The following TP53BP1 variants were observed in gnomAD, a reference collection of about 807,000 sequenced individuals.
The protein encoded by TP53BP1 is TP53-binding protein 1.
In TP53BP1, 61 loss-of-function variants were observed where a neutral mutation model predicts 200.8. That is an observed-to-expected ratio of 0.30 (90% confidence interval 0.25 to 0.38). The LOEUF (loss-of-function observed/expected upper bound fraction) is 0.38, where lower values mean the gene tolerates loss of function less well. Ranked by LOEUF, TP53BP1 falls within the 10% of genes least tolerant of loss-of-function variation. The pLI, the probability that TP53BP1 is intolerant of heterozygous loss-of-function variation, is 1.00. For synonymous variants in TP53BP1, 822 were observed against 844.3 expected (o/e 0.97, Z 0.46); for missense variants, 2,144 against 2,371.9 (o/e 0.90, Z 2.00).
chr15:43,481,990 G>A (rs2078976169), intron 4 of TP53BP1, among the ~76,000 whole-genome samples: 1 of 151,788 alleles, frequency 6.6e-6, no homozygotes, highest in African/African-American at 2.4e-5. Context: ...CACTTTGGGA[G>A]GCCAAGGAGG....
At chr15:43,429,955 A>T (rs541217819) in intron 17 of TP53BP1, among the ~76,000 whole-genome samples, 1 of 152,332 alleles carries the variant, frequency 6.6e-6, no homozygotes, top group East Asian at 1.9e-4. Context: ...GCTTCCCTGT[A>T]TTCTTCCAGT....
At chr15:43,413,780 C>G (rs575981110) in intron 23 of TP53BP1, among the ~76,000 whole-genome samples, 2 of 151,014 alleles carry the variant, frequency 1.3e-5, no homozygotes, top group East Asian at 1.9e-4. Flanking sequence ...TTTGAAGCAG[C>G]CTTTGGAAAA....
intron 25 of TP53BP1, 192 bp downstream of exon 25, chr15:43,409,455 A>G: frequency 1.9e-6 from 1 of 533,538 alleles, no homozygotes; most frequent in South Asian, 3.1e-5. Flanking sequence ...TAACTAACCC[A>G]AGGTCCTACC....
At chr15:43,438,536 C>CA in intron 15 of TP53BP1, 120 bp from the exon 16 acceptor site, 1 of 712,312 alleles carries the variant, frequency 1.4e-6, no homozygotes. Context: ...CTCCAAACCA[C>CA]CTTACACCAA....
In TP53BP1 at chr15:43,492,582, G is replaced by A. The variant is rs550431320; in HGVS notation, c.8-114C>T. On this transcript the variant is annotated intron_variant, in intron 1 of 27. Coordinates refer to ENST00000382044, the MANE Select transcript of TP53BP1 (RefSeq NM_001141980.3). ...GAGCTGGGAAACGGGACCACTTCAG[G>A]ACTCCTCCAATTAGAATATTATATT... is the stretch of plus-strand genomic sequence containing the variant. The A allele has an allele frequency of 8.9e-5, 67 of 756,346 alleles. No homozygotes were observed. In the East Asian group the frequency reaches 1.6e-3, roughly 18 times the overall value. 46.9% of individuals were successfully genotyped at this position (756,346 alleles called of 1,614,324 possible).
chr15:43,428,316 G>C, intron 17 of TP53BP1, 148 bp from the exon 18 acceptor site: 1 of 667,706 alleles, frequency 1.5e-6, no homozygotes, highest in East Asian at 2.7e-5. Context: ...TCCACCTATA[G>C]GTAAGACCAG....
Position 43,487,280 on chromosome 15 carries a change from T to C in TP53BP1, c.371+4389A>G, listed in dbSNP as rs373226510. Among the ~76,000 whole-genome samples the C allele has an allele frequency of 4.2e-4, 64 of 152,012 alleles. 1 individual carries two copies. The highest frequency in any genetic ancestry group is 1.5e-3 in the African/African-American group (61 of 41,456). On this transcript the variant is annotated intron_variant, in intron 4 of 27. Transcript: ENST00000382044. ...CAACAATGAGGTATCACTACAGACT[T>C]GTAATGGCTAAAATAAAAAATACTG...
At chr15:43,500,722 G>A (rs1265499063) in intron 1 of TP53BP1, among the ~76,000 whole-genome samples, 3 of 152,174 alleles carry the variant, frequency 2.0e-5, no homozygotes, top group Admixed American at 2.0e-4. Flanking sequence ...TTGGGAGGCT[G>A]AGGCAGGAGA....
At chr15:43,461,869 C>G (rs1379964482) in intron 11 of TP53BP1, among the ~76,000 whole-genome samples, 3 of 151,398 alleles carry the variant, frequency 2.0e-5, no homozygotes, top group Non-Finnish European at 4.4e-5. Flanking sequence ...GGGGTTTCAC[C>G]GTGTTGGCCA....
At chr15:43,480,069 G>C in intron 5 of TP53BP1, 52 bp from the exon 6 acceptor site, 39 of 1,548,242 alleles carry the variant, frequency 2.5e-5, no homozygotes, top group Non-Finnish European at 3.4e-5. Context: ...ATTATGCAAT[G>C]TACAAGCTGC....
chr15:43,470,152 C>A (rs2046691229), intron 10 of TP53BP1, 86 bp from the exon 11 acceptor site: 2 of 1,089,318 alleles, frequency 1.8e-6, no homozygotes, highest in Admixed American at 2.1e-5. Context: ...AATTACACTA[C>A]AGACATTTTC....
chr15:43,480,671 G>T (rs992403235), intron 5 of TP53BP1, among the ~76,000 whole-genome samples: 14 of 152,088 alleles, frequency 9.2e-5, no homozygotes, highest in African/African-American at 3.1e-4. Context: ...ATGAATACAA[G>T]AGGAAGAAAA....
intron 1 of TP53BP1, 49 bp from the exon 2 acceptor site, chr15:43,492,517 C>T (rs750411259): frequency 4.6e-6 from 7 of 1,513,962 alleles, no homozygotes; most frequent in Non-Finnish European, 6.3e-6. Flanking sequence ...ACTAGCCTTG[C>T]TCACGCAGTC....
intron 1 of TP53BP1, among the ~76,000 whole-genome samples, chr15:43,510,177 G>C (rs1335245057): frequency 9.2e-6 from 1 of 108,332 alleles, no homozygotes; most frequent in Non-Finnish European, 1.7e-5. Flanking sequence ...CGGGGGGTGG[G>C]AGGGGGGGAA....
intron 11 of TP53BP1, 26 bp downstream of exon 11, chr15:43,469,832 G>C (rs373861202): frequency 1.7e-5 from 26 of 1,575,548 alleles, no homozygotes; most frequent in Non-Finnish European, 2.2e-5. Context: ...TATGTTAGGA[G>C]AAACAACTCT....
rs190128307 is a variant in TP53BP1, at chr15:43,412,080, C to T, written c.5305+1039G>A. ...TGATTGTTTGACAAGCTAGGTGTTG[C>T]AAACACTGGACCTTGAAATCCCACC... On this transcript the variant is annotated intron_variant, in intron 24 of 27. Transcript: ENST00000382044. 4.5e-3 allele frequency among the ~76,000 whole-genome samples: 691 copies of T among 152,276 alleles called. 5 individuals carry two copies. Among genetic ancestry groups the T allele is most frequent in the African/African-American group, 0.015 (638 of 41,548 alleles).
intron 17 of TP53BP1, among the ~76,000 whole-genome samples, chr15:43,428,738 A>C (rs1369147897): frequency 6.6e-6 from 1 of 152,242 alleles, no homozygotes. Flanking sequence ...ACAGATTATG[A>C]CTAAAGAGTT....
intron 23 of TP53BP1, 118 bp downstream of exon 23, chr15:43,415,476 C>T: frequency 1.8e-6 from 2 of 1,106,340 alleles, no homozygotes; most frequent in Non-Finnish European, 2.7e-6. Context: ...TGGGCAGGAC[C>T]CCGACTTTAT....
At chr15:43,487,165 A>C (rs978460909) in intron 4 of TP53BP1, among the ~76,000 whole-genome samples, 1 of 152,144 alleles carries the variant, frequency 6.6e-6, no homozygotes, top group African/African-American at 2.4e-5. Context: ...AGATATGAAA[A>C]GACATTTCCC....
Sources: gnomAD v4.1 joint callset for allele counts (sites outside exome capture counted in the v4.1 genomes callset) on GRCh38, gnomAD v4.1.1 for gene constraint, MANE v1.5 for transcripts, NCBI Gene and HGNC (gene_info 2026-07-23, HGNC 2026-07-21) for gene names.